Variants in ATRAID observed in about 807,000 individuals in gnomAD.
ATRAID encodes all-trans retinoic acid induced differentiation factor.
A neutral mutation model predicts 28.8 loss-of-function variants in ATRAID; 26 were observed. The observed-to-expected ratio is 0.90, with a 90% CI of 0.66 to 1.25. The LOEUF is 1.25. ATRAID is among the 50% of genes most tolerant of loss of function. The pLI is 0.00. For missense variants in ATRAID, 308 were observed against 285.9 expected, an observed-to-expected ratio of 1.08 and a Z score of -0.56; for synonymous variants, 131 against 108.5, an observed-to-expected ratio of 1.21 and a Z score of -1.29.
Position 27,215,690 on chromosome 2 carries a change from T to A in ATRAID, c.424T>A (p.Ser142Thr). The change falls in exon 5 of 7, where the codon TCT (serine) becomes ACT (threonine). Residue 142 changes from serine (S) to threonine (T), a missense_variant. Ser to Thr is a moderately conservative substitution (Grantham distance 58). Transcript: ENST00000380171. ...GGINAWNTIT[S>T]YIDNQICQGQ... ...AATTAATGCCTGGAATACTATCACC[T>A]CTTATATAGACAACCAAATCTGTCA... 1 of 1,614,204 alleles carries A rather than the reference T, an allele frequency of 6.2e-7. No individual in the cohort carries two copies. Among genetic ancestry groups the A allele is most frequent in the Non-Finnish European group, 8.5e-7 (1 of 1,180,036 alleles).
At chr2:27,212,496 A>G in intron 1 of ATRAID, 29 bp downstream of exon 1, 1 of 1,545,684 alleles carries the variant, frequency 6.5e-7, no homozygotes, top group Middle Eastern at 1.7e-4. Context: ...GGTCGGGCTG[A>G]AGCAGGGTCG....
At position 27,212,272 on chromosome 2, in the gene ATRAID, C is replaced by A. The variant is rs1371130753; in HGVS notation, c.-97C>A. 8 of 1,555,296 alleles carry A rather than the reference C, an allele frequency of 5.1e-6. No individual in the cohort carries two copies. In the South Asian group the frequency reaches 9.5e-5, roughly 18 times the overall value. ...GCAGCCCCAGGGCGACTGGACCGGG[C>A]CGCTTAGGCCACGCCCGGGGAAGAG... On this transcript the variant is annotated 5_prime_UTR_variant, in exon 1 of 7. Transcript: ENST00000380171.
intron 2 of ATRAID, among the ~76,000 whole-genome samples, chr2:27,214,862 T>G (rs1190266313): frequency 1.3e-5 from 2 of 152,140 alleles, no homozygotes; most frequent in Non-Finnish European, 2.9e-5. Context: ...AAAAGGAAAA[T>G]GTTCCGTATC....
rs375676660 is a variant in ATRAID at position 27,213,301 on chromosome 2, G to C, written c.221+3G>C. 14 of 1,612,682 alleles carry C rather than the reference G, an allele frequency of 8.7e-6. No homozygotes were observed. In the African/African-American group the frequency reaches 1.9e-4, roughly 22 times the overall value. On this transcript the variant is annotated splice_donor_region_variant and intron_variant, in intron 2 of 6. Coordinates refer to ENST00000380171, the MANE Select transcript of ATRAID (RefSeq NM_001170795.4). ...AATCAGAAGGGCACCATCTTGGGGT[G>C]AGGGGAAGACATCCCTAGATGCTGG...
Position 27,212,208 on chromosome 2 carries a change from A to T in ATRAID, c.-161A>T. 2 of 1,556,046 alleles carry T rather than the reference A, an allele frequency of 1.3e-6. No homozygotes were observed. The highest frequency in any genetic ancestry group is 1.7e-6 in the Non-Finnish European group (2 of 1,150,398). ...CCCGAAAGAGGGCTAGGGCGCATGA[A>T]GACCAGCGCAGAGCTCCACGAGCAG... On this transcript the variant is annotated 5_prime_UTR_variant, in exon 1 of 7. It adds an upstream start codon to the 5' untranslated region. Coordinates refer to ENST00000380171, the MANE Select transcript of ATRAID (RefSeq NM_001170795.4).
At chr2:27,213,781 C>T (rs1674714867) in intron 2 of ATRAID, among the ~76,000 whole-genome samples, 2 of 152,194 alleles carry the variant, frequency 1.3e-5, no homozygotes, top group African/African-American at 4.8e-5. Flanking sequence ...TCTGCACCAG[C>T]CAGATTTGCC....
rs201778106 is a variant in ATRAID, at chr2:27,216,546, T to C, written c.511T>C (p.Cys171Arg). Residue 171 changes from cysteine (C) to arginine (R), a missense_variant, in exon 6 of 7, where the codon TGT (cysteine) becomes CGT (arginine). By Grantham distance (180) the Cys-to-Arg change is radical. Transcript: ENST00000380171. Reference sequence around the variant, plus strand: ...AGAAATGTGTCCTGAGAATGGATCTTGTGTACCTGATGGTCCAGGTCTTTT... The same window carrying C: ...AGAAATGTGTCCTGAGAATGGATCTCGTGTACCTGATGGTCCAGGTCTTTT... Reference protein sequence around the residue: ...DPEMCPENGSCVPDGPGLLQC... With the variant: ...DPEMCPENGSRVPDGPGLLQC... The C allele has an allele frequency of 6.2e-7, 1 of 1,614,056 alleles. No homozygotes were observed. Among genetic ancestry groups the C allele is most frequent in the Non-Finnish European group, 8.5e-7 (1 of 1,179,870 alleles).
At chr2:27,215,434 G>T in intron 3 of ATRAID, 40 bp from the exon 4 acceptor site, 2 of 1,614,078 alleles carry the variant, frequency 1.2e-6, no homozygotes. Flanking sequence ...CTAATATAAT[G>T]TAGGTTGATG....
intron 6 of ATRAID, 59 bp downstream of exon 6, chr2:27,216,679 G>T (rs1377147210): frequency 7.2e-6 from 11 of 1,524,270 alleles, no homozygotes; most frequent in Admixed American, 1.7e-5. Context: ...AGTCTTCTCA[G>T]AAAGGAGAGC....
chr2:27,212,766 C>A, intron 1 of ATRAID: 7 of 786,024 alleles, frequency 8.9e-6, no homozygotes, highest in Non-Finnish European at 1.3e-5. Flanking sequence ...TCTCTACGCA[C>A]GAACGCCATA....
At position 27,212,278 on chromosome 2, in the gene ATRAID, AG is replaced by A; in HGVS notation, c.-89del. On this transcript the variant is annotated 5_prime_UTR_variant, in exon 1 of 7. Transcript: ENST00000380171. ...CCAGGGCGACTGGACCGGGCCGCTT[AG>A]GCCACGCCCGGGGAAGAGGGCCTGA... The A allele has an allele frequency of 6.4e-7, 1 of 1,554,550 alleles. No individual in the cohort carries two copies. The highest frequency in any genetic ancestry group is 8.7e-7 in the Non-Finnish European group (1 of 1,149,358).
chr2:27,214,571 G>A (rs1350621262), intron 2 of ATRAID, among the ~76,000 whole-genome samples: 4 of 152,188 alleles, frequency 2.6e-5, no homozygotes, highest in South Asian at 2.1e-4. Context: ...AAAATGTTCC[G>A]AGCCAGGCGC....
rs538403893 is a variant in ATRAID at position 27,216,886 on chromosome 2, A to T, written c.628A>T (p.Thr210Ser). 12 of 1,614,212 alleles carry T rather than the reference A, an allele frequency of 7.4e-6. No individual in the cohort carries two copies. In the South Asian group the frequency reaches 1.3e-4, roughly 18 times the overall value. ...LLMFFGILGA[T>S]TLSVSILLWA... is the part of the protein sequence containing the mutation. ...TATGTTCTTCGGGATTCTGGGAGCC[A>T]CCACTCTATCCGTCTCCATTCTGCT... The change falls in exon 7 of 7, where the codon ACC becomes TCC. Residue 210 changes from threonine to serine, a missense_variant. Transcript: ENST00000380171.
chr2:27,213,480 C>A (rs569586910), intron 2 of ATRAID, 182 bp downstream of exon 2: 6 of 632,518 alleles, frequency 9.5e-6, no homozygotes, highest in African/African-American at 9.3e-5. Context: ...CAGGTACATA[C>A]GGGTACCTCT....
In ATRAID at chr2:27,216,615, C is replaced by T. The variant is rs745675289; in HGVS notation, c.580C>T (p.Arg194Cys). The T allele has an allele frequency of 6.2e-7, 1 of 1,613,108 alleles. No homozygotes were observed. ...TGGTTTCCATGGATACAAGTGTATG[C>T]GCCAGGTGAGGAATTAGGCCGTCTA... ...ADGFHGYKCM[R>C]QGSFSLLMFF... Residue 194 changes from arginine (R) to cysteine (C), a missense_variant, in exon 6 of 7, where the codon CGC (arginine) becomes TGC (cysteine). Physicochemically the swap from Arg to Cys is radical, Grantham distance 180 (BLOSUM62 -3). Transcript: ENST00000380171.
chr2:27,215,026 T>A (rs563113419), intron 2 of ATRAID, among the ~76,000 whole-genome samples: 1 of 152,322 alleles, frequency 6.6e-6, no homozygotes, highest in Non-Finnish European at 1.5e-5. Flanking sequence ...CTTGAATTCC[T>A]AGGTTCAAGT....
intron 2 of ATRAID, among the ~76,000 whole-genome samples, chr2:27,214,091 T>C (rs1039675822): frequency 6.6e-6 from 1 of 152,262 alleles, no homozygotes; most frequent in Admixed American, 6.5e-5. Flanking sequence ...TAATCTTTAG[T>C]GTCCACTCAA....
At chr2:27,212,963 G>A in intron 1 of ATRAID, 1 of 580,832 alleles carries the variant, frequency 1.7e-6, no homozygotes, top group South Asian at 2.3e-5. Context: ...GGTACTGAAA[G>A]TGTCGGGAGC....
Position 27,216,892 on chromosome 2 carries a change from C to G in ATRAID, c.634C>G (p.Leu212Val), listed in dbSNP as rs775068036. The change falls in exon 7 of 7, where the codon CTA (leucine) becomes GTA (valine). Residue 212 changes from leucine to valine, a missense_variant. Transcript: ENST00000380171. ...CTTCGGGATTCTGGGAGCCACCACT[C>G]TATCCGTCTCCATTCTGCTTTGGGC... is the stretch of plus-strand genomic sequence containing the variant. ...MFFGILGATT[L>V]SVSILLWATQ... 6.2e-7 allele frequency: 1 copy of G among 1,614,118 alleles called. No individual in the cohort carries two copies. Among genetic ancestry groups the G allele is most frequent in the African/African-American group, 1.3e-5 (1 of 74,952 alleles).
Sources: gnomAD v4.1 joint callset for allele counts (sites outside exome capture counted in the v4.1 genomes callset) on GRCh38, gnomAD v4.1.1 for gene constraint, MANE v1.5 for transcripts, NCBI Gene and HGNC (gene_info 2026-07-23, HGNC 2026-07-21) for gene names.